Variants in LRCH3 observed in about 807,000 individuals in gnomAD.
LRCH3 encodes the protein DISP complex protein LRCH3.
In LRCH3, 68 loss-of-function variants were observed where a neutral mutation model predicts 104.5. The observed-to-expected ratio is 0.65, with a 90% confidence interval of 0.54 to 0.80. The LOEUF (loss-of-function observed/expected upper bound fraction) is 0.80. Ranked by LOEUF, LRCH3 falls within the 30% of genes least tolerant of loss-of-function variation. The pLI is 0.00. For missense variants in LRCH3, 951 were observed against 953.9 expected, an observed-to-expected ratio of 1.00 and a Z score of 0.04; for synonymous variants, 344 against 361.3, an observed-to-expected ratio of 0.95 and a Z score of 0.54.
chr3:197,829,093 G>A (rs561741213), intron 5 of LRCH3, among the ~76,000 whole-genome samples: 1 of 152,278 alleles, frequency 6.6e-6, no homozygotes, highest in African/African-American at 2.4e-5. Flanking sequence ...TCAAGAATTT[G>A]TGTTTTGACT....
At chr3:197,861,823 A>G (rs1413789250) in intron 15 of LRCH3, among the ~76,000 whole-genome samples, 2 of 152,050 alleles carry the variant, frequency 1.3e-5, no homozygotes, top group African/African-American at 2.4e-5. Flanking sequence ...TCCCAAATGT[A>G]GTTAATGGCC....
chr3:197,848,470 T>C, intron 12 of LRCH3: 1 of 153,520 alleles, frequency 6.5e-6, no homozygotes, highest in Non-Finnish European at 1.5e-5. Flanking sequence ...ACACATCCAA[T>C]TAACAACGCC....
chr3:197,811,300 G>A (rs1733096937), intron 1 of LRCH3, among the ~76,000 whole-genome samples: 1 of 151,934 alleles, frequency 6.6e-6, no homozygotes, highest in Admixed American at 6.6e-5. Flanking sequence ...CATACTGATT[G>A]TGTATTTCAG....
chr3:197,862,121 G>A (rs1347447186), intron 15 of LRCH3, among the ~76,000 whole-genome samples: 3 of 152,080 alleles, frequency 2.0e-5, no homozygotes, highest in Non-Finnish European at 4.4e-5. Context: ...TCAGCCTCCC[G>A]AGTAGCTGCG....
At chr3:197,843,525 A>G (rs1451615978) in intron 10 of LRCH3, among the ~76,000 whole-genome samples, 2 of 152,200 alleles carry the variant, frequency 1.3e-5, no homozygotes, top group African/African-American at 4.8e-5. Context: ...TCTACTAAAA[A>G]TACAAAAAAT....
At chr3:197,847,507 A>AT (rs752008530) in intron 11 of LRCH3, 47 bp downstream of exon 11, 109 of 1,512,060 alleles carry the variant, frequency 7.2e-5, no homozygotes, top group Non-Finnish European at 8.6e-5. Context: ...AACTAAGATG[A>AT]TTTTTTTTCT....
At chr3:197,824,965 A>T (rs1407466304) in intron 4 of LRCH3, among the ~76,000 whole-genome samples, 1 of 152,218 alleles carries the variant, frequency 6.6e-6, no homozygotes, top group Non-Finnish European at 1.5e-5. Flanking sequence ...GACATCTCCT[A>T]GTAGCTTCCC....
At chr3:197,826,521 T>C (rs996161185) in intron 4 of LRCH3, among the ~76,000 whole-genome samples, 1 of 152,224 alleles carries the variant, frequency 6.6e-6, no homozygotes, top group Non-Finnish European at 1.5e-5. Flanking sequence ...GTGCCCCAGC[T>C]GTGTTAGTGG....
chr3:197,879,480 A>G (rs887807239), intron 20 of LRCH3, among the ~76,000 whole-genome samples: 16 of 151,034 alleles, frequency 1.1e-4, no homozygotes, highest in Non-Finnish European at 2.2e-4. Flanking sequence ...CCCCGTCTCT[A>G]CTAAAAATAC....
intron 5 of LRCH3, among the ~76,000 whole-genome samples, chr3:197,828,771 G>A (rs1466516014): frequency 5.5e-5 from 8 of 144,652 alleles, no homozygotes; most frequent in Non-Finnish European, 1.0e-4. Flanking sequence ...GCAATGGTGC[G>A]ATCTCGGCTT....
chr3:197,831,874 C>G (rs1735991981), intron 7 of LRCH3, among the ~76,000 whole-genome samples: 2 of 151,950 alleles, frequency 1.3e-5, no homozygotes. Context: ...ATCTTGGTCT[C>G]CCAAAGTGTT....
chr3:197,834,510 A>G (rs564404531), intron 8 of LRCH3, among the ~76,000 whole-genome samples: 1 of 152,336 alleles, frequency 6.6e-6, no homozygotes, highest in South Asian at 2.1e-4. Flanking sequence ...TTCTTTCTCG[A>G]GTCCAGTTTA....
chr3:197,881,441 C>G, intron 20 of LRCH3: 1 of 985,542 alleles, frequency 1.0e-6, no homozygotes, highest in Non-Finnish European at 1.2e-6. Flanking sequence ...GCTGGCCTCT[C>G]AGGGTGGGCA....
chr3:197,873,951 A>G (rs115639076), intron 19 of LRCH3, among the ~76,000 whole-genome samples: 19,116 of 150,526 alleles, frequency 0.13, 1,344 homozygotes, highest in African/African-American at 0.19. Flanking sequence ...AGTCCAAGAG[A>G]CGGAGGTTGC....
At chr3:197,814,168 C>T (rs1271834393) in intron 1 of LRCH3, among the ~76,000 whole-genome samples, 2 of 152,210 alleles carry the variant, frequency 1.3e-5, no homozygotes, top group African/African-American at 2.4e-5. Flanking sequence ...AAAAGTTCCA[C>T]ATGGCTGGGA....
intron 12 of LRCH3, chr3:197,850,920 G>A (rs1032217530): frequency 4.2e-5 from 35 of 828,130 alleles, no homozygotes; most frequent in African/African-American, 1.0e-4. Flanking sequence ...GCATGATTTC[G>A]TGGGGTTCTC....
At chr3:197,846,378 TG>T (rs1438892461) in intron 10 of LRCH3, among the ~76,000 whole-genome samples, 24 of 115,048 alleles carry the variant, frequency 2.1e-4, no homozygotes, top group African/African-American at 7.5e-4. Context: ...CACTCCACCT[TG>T]GGCCACAAAA....
chr3:197,886,181 T>TAA lies in LRCH3; in HGVS notation c.*2532_*2533dup, dbSNP rs61062610. On this transcript the variant is annotated 3_prime_UTR_variant, in exon 21 of 21. Transcript: ENST00000425562. ...TAGCAAGACCCTGTCTCCCAAAAAT[T>TAA]AAAAAAAAAAAAAAAAAACCAGGTG... 2.8e-4 allele frequency: 35 copies of TAA among 126,210 alleles called. 1 individual carries two copies. The South Asian group carries it at 3.2e-3, about 12-fold the overall frequency. 7.8% of individuals were successfully genotyped at this position (126,210 alleles called of 1,614,324 possible).
intron 15 of LRCH3, among the ~76,000 whole-genome samples, chr3:197,860,359 A>G (rs1740729232): frequency 2.0e-5 from 3 of 152,108 alleles, no homozygotes. Context: ...TTGAATATTT[A>G]ATTTTGCTGT....
Sources: allele counts gnomAD v4.1 joint callset (sites outside exome capture counted in the v4.1 genomes callset), GRCh38; gene constraint gnomAD v4.1.1; transcripts MANE v1.5; gene names NCBI Gene and HGNC (gene_info 2026-07-23, HGNC 2026-07-21).